Variants in CBL observed in about 807,000 individuals in gnomAD.
The protein encoded by CBL is E3 ubiquitin-protein ligase CBL.
CBL carries 45 observed loss-of-function variants against 96.9 expected under a neutral mutation model. The observed-to-expected ratio is 0.46, with a 90% CI of 0.37 to 0.60. The LOEUF (loss-of-function observed/expected upper bound fraction) is 0.60. Among genes scored for constraint, CBL ranks in the 20% least tolerant of loss-of-function variants. The pLI, the probability that CBL is intolerant of heterozygous loss-of-function variation, is 0.00. For synonymous variants in CBL, 420 were observed against 426.8 expected (o/e 0.98, Z 0.20); for missense variants, 1,024 against 1,143.5 (o/e 0.90, Z 1.51).
In CBL at chr11:119,274,993, T is replaced by G. The variant is rs767680530; in HGVS notation, c.869+40T>G. 2.5e-6 allele frequency: 4 copies of G among 1,593,064 alleles called. No homozygotes were observed. In the Middle Eastern group the frequency reaches 5.0e-4, roughly 198 times the overall value. ...GCAAAGAGATTTATTCTTCTGAATTTCGTTATCTTGAGACTTCTGCTAGTA... is the reference window on the plus strand; with the variant it reads ...GCAAAGAGATTTATTCTTCTGAATTGCGTTATCTTGAGACTTCTGCTAGTA... On this transcript the variant is annotated intron_variant, in intron 5 of 15. Coordinates refer to ENST00000264033, the MANE Select transcript of CBL (RefSeq NM_005188.4).
intron 12 of CBL, among the ~76,000 whole-genome samples, chr11:119,291,837 T>C (rs1437274027): frequency 6.6e-6 from 1 of 152,214 alleles, no homozygotes; most frequent in Non-Finnish European, 1.5e-5. Context: ...TTTATATTTA[T>C]CTTTTAATCC....
At chr11:119,267,570 C>A (rs1261426155) in intron 2 of CBL, among the ~76,000 whole-genome samples, 1 of 152,176 alleles carries the variant, frequency 6.6e-6, no homozygotes, top group Admixed American at 6.6e-5. Flanking sequence ...TCTGAGACTA[C>A]CCTCCCTAAA....
chr11:119,271,697 T>C (rs369694372), intron 2 of CBL, 38 bp from the exon 3 acceptor site: 447 of 1,581,938 alleles, frequency 2.8e-4, no homozygotes, highest in Non-Finnish European at 3.5e-4. Context: ...ATAAAAATAA[T>C]TTTATGTGTT....
chr11:119,301,173 G>C lies in CBL; in HGVS notation c.*1392G>C, dbSNP rs757318628. The stretch of plus-strand genomic sequence containing the variant: ...TCCTTCCCTTTTCCTCTTCACCTGA[G>C]GTCCTAAATACTCTCTGTAATTACT... On this transcript the variant is annotated 3_prime_UTR_variant, in exon 16 of 16. Coordinates refer to ENST00000264033, the MANE Select transcript of CBL (RefSeq NM_005188.4). 1 of 232,880 alleles carries C rather than the reference G, an allele frequency of 4.3e-6. No individual in the cohort carries two copies. The highest frequency in any genetic ancestry group is 8.5e-6 in the Non-Finnish European group (1 of 117,994). The allele number at this position is 232,880 out of a possible 1,614,324, so 14.4% of individuals were successfully genotyped here. A position where few individuals can be genotyped will look rare whatever the true frequency, so the allele number is the denominator to read the frequency against.
intron 9 of CBL, among the ~76,000 whole-genome samples, chr11:119,279,483 G>T (rs1481222206): frequency 1.6e-5 from 2 of 125,844 alleles, no homozygotes; most frequent in East Asian, 2.6e-4. Context: ...CTGCCCCCAT[G>T]CCCCCCCCTA....
At chr11:119,295,392 A>C (rs918998151) in intron 12 of CBL, among the ~76,000 whole-genome samples, 5 of 151,964 alleles carry the variant, frequency 3.3e-5, no homozygotes, top group African/African-American at 1.2e-4. Flanking sequence ...ATTTCCCTAC[A>C]CCTTCACTGA....
chr11:119,298,462 G>T lies in CBL; in HGVS notation c.2356G>T (p.Ala786Ser), dbSNP rs1171738358. The change falls in exon 15 of 16, where the codon GCC (alanine) becomes TCC (serine). Residue 786 changes from alanine (A) to serine (S), a missense_variant. Ala to Ser is a moderately conservative substitution (Grantham distance 99). Transcript: ENST00000264033. ...VPKPPVPAVL[A>S]RRTLSDISNA... ...AAAGCCACCTGTGCCGGCCGTGCTG[G>T]CCCGCCGAACTCTCTCAGATATCTC... 2.5e-6 allele frequency: 4 copies of T among 1,614,190 alleles called. No homozygotes were observed. The highest frequency in any genetic ancestry group is 3.3e-5 in the Admixed American group (2 of 60,024).
chr11:119,284,671 A>T (rs1402289689), intron 9 of CBL, among the ~76,000 whole-genome samples: 1 of 152,158 alleles, frequency 6.6e-6, no homozygotes, highest in Admixed American at 6.5e-5. Flanking sequence ...TAATTTTTAA[A>T]GTTGTAAACT....
intron 2 of CBL, among the ~76,000 whole-genome samples, chr11:119,258,687 G>A (rs1236998710): frequency 6.6e-6 from 1 of 152,110 alleles, no homozygotes; most frequent in Non-Finnish European, 1.5e-5. Context: ...AGCCTTAATA[G>A]TATAATTTGA....
In CBL at chr11:119,304,383, C is replaced by G. The variant is rs974274782; in HGVS notation, c.*4602C>G. 1.2e-4 allele frequency: 28 copies of G among 232,994 alleles called. No individual in the cohort carries two copies. Among genetic ancestry groups the G allele is most frequent in the African/African-American group, 6.2e-4 (28 of 45,266 alleles). 14.4% of individuals were successfully genotyped at this position (232,994 alleles called of 1,614,324 possible). Reference sequence around the variant, plus strand: ...TTTGGATCCAAGAAACAGAAATGTTCAAGCGGAATAAAGGAGGGAGTGGAG... The same window carrying G: ...TTTGGATCCAAGAAACAGAAATGTTGAAGCGGAATAAAGGAGGGAGTGGAG... On this transcript the variant is annotated 3_prime_UTR_variant, in exon 16 of 16. Coordinates refer to ENST00000264033, the MANE Select transcript of CBL (RefSeq NM_005188.4).
chr11:119,236,542 G>A (rs995718761), intron 2 of CBL, among the ~76,000 whole-genome samples: 29 of 149,544 alleles, frequency 1.9e-4, no homozygotes, highest in African/African-American at 5.7e-4. Context: ...GCCAGTTTTT[G>A]TATGGCTATA....
At chr11:119,273,665 G>C (rs1949865544) in intron 3 of CBL, among the ~76,000 whole-genome samples, 1 of 152,208 alleles carries the variant, frequency 6.6e-6, no homozygotes, top group African/African-American at 2.4e-5. Context: ...GCCTCTCAAA[G>C]TGCTGGGCCT....
chr11:119,235,640 G>T (rs1949539873), intron 2 of CBL, among the ~76,000 whole-genome samples: 1 of 152,064 alleles, frequency 6.6e-6, no homozygotes, highest in Non-Finnish European at 1.5e-5. Context: ...GGCAGGAGAG[G>T]CAGGCACACT....
At chr11:119,218,149 A>G (rs1949378092) in intron 1 of CBL, among the ~76,000 whole-genome samples, 1 of 152,168 alleles carries the variant, frequency 6.6e-6, no homozygotes, top group Non-Finnish European at 1.5e-5. Flanking sequence ...ACACTTTTCC[A>G]CAGTCCCACT....
chr11:119,229,504 A>G (rs941245177), intron 1 of CBL, among the ~76,000 whole-genome samples: 6 of 152,182 alleles, frequency 3.9e-5, no homozygotes, highest in African/African-American at 9.7e-5. Context: ...AATCCCGGCT[A>G]TTCAGGCAGT....
chr11:119,297,509 A>G (rs917284238), intron 14 of CBL, 28 bp downstream of exon 14: 5 of 1,450,374 alleles, frequency 3.4e-6, no homozygotes, highest in African/African-American at 1.4e-5. Flanking sequence ...TACTTTAAAA[A>G]TCATTGATAT....
chr11:119,272,748 C>T (rs1433925178), intron 3 of CBL, among the ~76,000 whole-genome samples: 1 of 152,126 alleles, frequency 6.6e-6, no homozygotes, highest in Non-Finnish European at 1.5e-5. Flanking sequence ...CTTATTCTTA[C>T]TTGCCTGTTC....
rs730880427 is a variant in CBL at position 119,285,454 on chromosome 11, C to A, written c.1829C>A (p.Thr610Lys). ...VSAPSSSDPW[T>K]GRELTNRHSL... Reference sequence around the variant, plus strand: ...GCCCCAAGTTCCAGTGATCCCTGGACAGGAAGAGAATTAACCAACCGGCAC... The same window carrying A: ...GCCCCAAGTTCCAGTGATCCCTGGAAAGGAAGAGAATTAACCAACCGGCAC... Residue 610 changes from threonine (T) to lysine (K), a missense_variant, in exon 11 of 16, where the codon ACA (threonine) becomes AAA (lysine). Thr to Lys is a moderately conservative substitution (Grantham distance 78, BLOSUM62 -1). Coordinates refer to ENST00000264033, the MANE Select transcript of CBL (RefSeq NM_005188.4). The A allele has an allele frequency of 1.2e-6, 2 of 1,614,068 alleles. No individual in the cohort carries two copies. Among genetic ancestry groups the A allele is most frequent in the Non-Finnish European group, 1.7e-6 (2 of 1,180,040 alleles).
At chr11:119,269,252 T>A (rs1949825650) in intron 2 of CBL, among the ~76,000 whole-genome samples, 1 of 150,508 alleles carries the variant, frequency 6.6e-6, no homozygotes, top group African/African-American at 2.4e-5. Flanking sequence ...AGTGCTTTTT[T>A]TTTTTTTTTT....
Sources: gnomAD v4.1 joint callset for allele counts (sites outside exome capture counted in the v4.1 genomes callset) on GRCh38, gnomAD v4.1.1 for gene constraint, MANE v1.5 for transcripts, NCBI Gene and HGNC (gene_info 2026-07-23, HGNC 2026-07-21) for gene names.